The following INTS9 variants were observed in gnomAD, a reference collection of about 807,000 sequenced individuals.
INTS9 encodes the protein integrator complex subunit 9, also known as protein related to CPSF subunits of 74 kDa.
A neutral mutation model predicts 79.7 loss-of-function variants in INTS9; 55 were observed. The observed-to-expected ratio is 0.69, with a 90% CI of 0.56 to 0.86. The LOEUF (loss-of-function observed/expected upper bound fraction) is 0.86. INTS9 is among the 40% of genes least tolerant of loss of function. INTS9 has a pLI of 0.00. For synonymous variants in INTS9, 319 were observed against 325.2 expected (o/e 0.98, Z 0.20); for missense variants, 721 against 831.5 (o/e 0.87, Z 1.64).
Position 28,769,875 on chromosome 8 carries a change from C to T in INTS9, c.1800+14G>A, listed in dbSNP as rs776253607. On this transcript the variant is annotated intron_variant, in intron 16 of 16. Transcript: ENST00000521022. Reference sequence around the variant, plus strand: ...ACGTGTGGAGTTTTCACGGCACCAGCGAAACCAGCTCACCTTCTCCAGGGT... The same window carrying T: ...ACGTGTGGAGTTTTCACGGCACCAGTGAAACCAGCTCACCTTCTCCAGGGT... The T allele has an allele frequency of 6.2e-6, 10 of 1,612,896 alleles. No homozygotes were observed. The highest frequency in any genetic ancestry group is 1.6e-4 in the Middle Eastern group (1 of 6,074).
intron 6 of INTS9, among the ~76,000 whole-genome samples, chr8:28,824,276 T>C (rs1806022116): frequency 6.6e-6 from 1 of 152,190 alleles, no homozygotes; most frequent in Admixed American, 6.5e-5. Context: ...CAAGATCTTA[T>C]GCACACCTCC....
chr8:28,801,668 A>G (rs570257347), intron 8 of INTS9, among the ~76,000 whole-genome samples: 1 of 152,280 alleles, frequency 6.6e-6, no homozygotes, highest in Admixed American at 6.5e-5. Context: ...CTGGAGTGCA[A>G]TGGCGTGATC....
intron 3 of INTS9, among the ~76,000 whole-genome samples, chr8:28,847,461 C>T (rs1447982303): frequency 6.6e-6 from 1 of 150,862 alleles, no homozygotes; most frequent in Non-Finnish European, 1.5e-5. Flanking sequence ...ACCTCCACCA[C>T]CACCACCACC....
intron 1 of INTS9, among the ~76,000 whole-genome samples, chr8:28,879,263 C>G (rs1345561504): frequency 6.6e-6 from 1 of 151,786 alleles, no homozygotes; most frequent in Admixed American, 6.6e-5. Context: ...GAATGCAAGT[C>G]TGGTTTAACA....
intron 1 of INTS9, among the ~76,000 whole-genome samples, chr8:28,882,162 C>T (rs1047621704): frequency 7.0e-6 from 1 of 143,188 alleles, no homozygotes; most frequent in Non-Finnish European, 1.5e-5. Flanking sequence ...TATCCCCAAC[C>T]CTGTGCTCTC....
At position 28,868,993 on chromosome 8, in the gene INTS9, G is replaced by A. The variant is rs1339863641; in HGVS notation, c.10-9430C>T. On this transcript the variant is annotated intron_variant, in intron 1 of 16. Transcript: ENST00000521022. Reference sequence around the variant, plus strand: ...ACGTACCTTTAATCCCAGCTACTTGGGAGGCTGAGGCAGGAGAATAGCTTG... The same window carrying A: ...ACGTACCTTTAATCCCAGCTACTTGAGAGGCTGAGGCAGGAGAATAGCTTG... Among the ~76,000 whole-genome samples, 4 of 152,006 alleles carry A rather than the reference G, an allele frequency of 2.6e-5. No homozygotes were observed. The East Asian group carries it at 7.7e-4, about 29-fold the overall frequency.
At chr8:28,784,766 T>C (rs187005213) in intron 11 of INTS9, among the ~76,000 whole-genome samples, 1 of 152,316 alleles carries the variant, frequency 6.6e-6, no homozygotes, top group African/African-American at 2.4e-5. Flanking sequence ...AACATGGATG[T>C]ATTATAACAG....
chr8:28,796,628 T>C lies in INTS9; in HGVS notation c.772A>G (p.Ser258Gly), dbSNP rs1268862288. ...QPMDQASLKNSDVLVLTGLTQ... is the reference protein window; with the variant it reads ...QPMDQASLKNGDVLVLTGLTQ... ...AGCCCTGTCAGAACAAGAACATCGC[T>C]GTTTTTGAGAGAAGCTTGGTCCATG... Residue 258 changes from serine to glycine, a missense_variant, in exon 9 of 17, where the codon AGC becomes GGC. Ser to Gly is a moderately conservative substitution (Grantham distance 56, BLOSUM62 0). Around this residue, in one of 3 missense-constraint regions of INTS9, gnomAD observed 291 missense variants for 307.0 expected, o/e 0.95. Coordinates refer to ENST00000521022, the MANE Select transcript of INTS9 (RefSeq NM_018250.4). 3 of 1,613,838 alleles carry C rather than the reference T, an allele frequency of 1.9e-6. No individual in the cohort carries two copies. The highest frequency in any genetic ancestry group is 2.5e-6 in the Non-Finnish European group (3 of 1,179,704).
chr8:28,808,947 T>C (rs1256029185), intron 8 of INTS9, among the ~76,000 whole-genome samples: 1 of 146,110 alleles, frequency 6.8e-6, no homozygotes, highest in African/African-American at 2.6e-5. Flanking sequence ...ATTCTGCCAT[T>C]ATAACTTTTT....
chr8:28,814,620 C>CCTT (rs1046182521), intron 6 of INTS9, among the ~76,000 whole-genome samples: 1 of 152,130 alleles, frequency 6.6e-6, no homozygotes, highest in African/African-American at 2.4e-5. Flanking sequence ...AGCAGATGTC[C>CCTT]CTTCTCCTCT....
intron 1 of INTS9, among the ~76,000 whole-genome samples, chr8:28,872,327 A>G (rs530255738): frequency 4.6e-5 from 7 of 152,324 alleles, no homozygotes; most frequent in Admixed American, 2.0e-4. Context: ...CAACAGTAGA[A>G]TATGTCCACA....
In INTS9 at chr8:28,812,458, GCTC is replaced by G; in HGVS notation, c.610_612del (p.Glu204del). ...GGAGTCACCTGGACCGCACCAAAAA[GCTC>G]CTAAAAGAGAACCACAGTAAGAATG... On this transcript the variant is annotated inframe_deletion and splice_region_variant, in exon 8 of 17. Coordinates refer to ENST00000521022, the MANE Select transcript of INTS9 (RefSeq NM_018250.4). 1.2e-6 allele frequency: 2 copies of G among 1,613,140 alleles called. No individual in the cohort carries two copies. Among genetic ancestry groups the G allele is most frequent in the African/African-American group, 2.7e-5 (2 of 75,002 alleles).
At chr8:28,873,245 T>C (rs540775964) in intron 1 of INTS9, among the ~76,000 whole-genome samples, 60 of 152,332 alleles carry the variant, frequency 3.9e-4, no homozygotes, top group African/African-American at 1.3e-3. Flanking sequence ...AAATAGGTTT[T>C]ACTAGGCTGA....
chr8:28,871,006 A>G (rs904031022), intron 1 of INTS9, among the ~76,000 whole-genome samples: 4 of 152,214 alleles, frequency 2.6e-5, no homozygotes, highest in African/African-American at 9.7e-5. Context: ...TTTATTAATC[A>G]CTTACTTCAT....
chr8:28,825,511 C>T (rs77946629), intron 6 of INTS9, among the ~76,000 whole-genome samples: 4,096 of 152,316 alleles, frequency 0.027, 202 homozygotes, highest in African/African-American at 0.092. Flanking sequence ...ACCCAGAACA[C>T]CATACCACGT....
Position 28,777,910 on chromosome 8 carries a change from C to A in INTS9, c.1314G>T (p.Pro438=). 2 of 1,611,940 alleles carry A rather than the reference C, an allele frequency of 1.2e-6. No homozygotes were observed. The highest frequency in any genetic ancestry group is 1.7e-6 in the Non-Finnish European group (2 of 1,178,954). Residue 438 remains proline, a synonymous_variant, in exon 13 of 17, where the codon CCG becomes CCT. Transcript: ENST00000521022. ...SYLEALAPYQ[P]LAMKCIYCPI... ...GGCAGTAGATGCATTTCATGGCCAG[C>A]GGCTGGTAAGGAGCCAGGGCTTCCA...
chr8:28,825,519 C>T (rs1166866973), intron 6 of INTS9, among the ~76,000 whole-genome samples: 2 of 152,336 alleles, frequency 1.3e-5, no homozygotes, highest in Middle Eastern at 3.4e-3. Flanking sequence ...CACCATACCA[C>T]GTGGGCTTTC....
chr8:28,882,546 A>C (rs1396701042), intron 1 of INTS9, among the ~76,000 whole-genome samples: 2 of 141,790 alleles, frequency 1.4e-5, no homozygotes, highest in African/African-American at 5.3e-5. Flanking sequence ...AAAAAAAAAA[A>C]AGAAAAAAAA....
At chr8:28,832,855 G>C (rs1477100689) in intron 6 of INTS9, among the ~76,000 whole-genome samples, 1 of 152,022 alleles carries the variant, frequency 6.6e-6, no homozygotes, top group East Asian at 1.9e-4. Context: ...CCAGCTACTT[G>C]GGAGCCTGAG....
Sources: allele counts gnomAD v4.1 joint callset (sites outside exome capture counted in the v4.1 genomes callset), GRCh38; gene constraint gnomAD v4.1.1; regional missense constraint gnomAD v4.1.1; transcripts MANE v1.5; gene names NCBI Gene and HGNC (gene_info 2026-07-23, HGNC 2026-07-21).